The following EXOC6B variants were observed in gnomAD, a reference collection of about 807,000 sequenced individuals.
The protein encoded by EXOC6B is exocyst complex component 6B.
Under a neutral mutation model 113.5 loss-of-function variants are expected in EXOC6B, and 54 were observed. That is an observed-to-expected ratio of 0.48 (90% CI 0.38 to 0.60). The LOEUF (loss-of-function observed/expected upper bound fraction) is 0.60, where lower values mean the gene tolerates loss of function less well. EXOC6B is among the 20% of genes least tolerant of loss of function. The probability of loss-of-function intolerance (pLI) is 0.00; values close to 1 mark genes in which losing one functional copy is unlikely to be tolerated. For missense variants in EXOC6B, 797 were observed against 977.5 expected, an observed-to-expected ratio of 0.82 and a Z score of 2.46; for synonymous variants, 357 against 339.0, an observed-to-expected ratio of 1.05 and a Z score of -0.58.
rs377136963 is a variant in EXOC6B at position 72,384,835 on chromosome 2, T to C, written c.1981-4965A>G. On this transcript the variant is annotated intron_variant, in intron 18 of 21. Coordinates refer to ENST00000272427, the MANE Select transcript of EXOC6B (RefSeq NM_015189.3). ...TAAAATATTTGTATATTTAAAAGTA[T>C]AAAACAATACTAAAAGAAATTTAAG... Among the ~76,000 whole-genome samples the C allele has an allele frequency of 1.4e-4, 21 of 152,082 alleles. No individual in the cohort carries two copies. In the East Asian group the frequency reaches 2.5e-3, roughly 18 times the overall value.
chr2:72,513,716 C>T (rs749026896), intron 10 of EXOC6B, among the ~76,000 whole-genome samples: 4 of 151,608 alleles, frequency 2.6e-5, no homozygotes, highest in African/African-American at 4.8e-5. Flanking sequence ...AAATAATTCC[C>T]ATCATGTGGA....
At chr2:72,643,706 A>C (rs569207682) in intron 6 of EXOC6B, among the ~76,000 whole-genome samples, 2 of 151,256 alleles carry the variant, frequency 1.3e-5, no homozygotes, top group South Asian at 4.2e-4. Flanking sequence ...TGGCACATGT[A>C]TACGTATGTA....
intron 20 of EXOC6B, among the ~76,000 whole-genome samples, chr2:72,319,452 CTG>C (rs990631579): frequency 3.3e-5 from 5 of 152,258 alleles, no homozygotes; most frequent in Middle Eastern, 3.4e-3. Context: ...GAATCTAAAA[CTG>C]TTTTTATTCA....
At chr2:72,770,665 TG>T (rs1210265472) in intron 1 of EXOC6B, among the ~76,000 whole-genome samples, 2 of 152,304 alleles carry the variant, frequency 1.3e-5, no homozygotes, top group Non-Finnish European at 1.5e-5. Context: ...TGAGAGATTA[TG>T]GGCCAAATCA....
At chr2:72,679,856 G>A (rs974177741) in intron 6 of EXOC6B, among the ~76,000 whole-genome samples, 9 of 152,150 alleles carry the variant, frequency 5.9e-5, no homozygotes, top group Admixed American at 2.6e-4. Flanking sequence ...AAGGCTGCAC[G>A]GATTAGAGGT....
chr2:72,547,143 T>C (rs900384438), intron 8 of EXOC6B, among the ~76,000 whole-genome samples: 24 of 152,200 alleles, frequency 1.6e-4, no homozygotes, highest in Admixed American at 4.6e-4. Context: ...TTAAGAGAAA[T>C]ACTGTACTTG....
At chr2:72,219,047 T>C (rs910777334) in intron 20 of EXOC6B, among the ~76,000 whole-genome samples, 13 of 151,850 alleles carry the variant, frequency 8.6e-5, no homozygotes, top group Admixed American at 7.2e-4. Context: ...GTACCTGTGG[T>C]TGTTTGTATC....
At chr2:72,271,725 T>C (rs1684496663) in intron 20 of EXOC6B, among the ~76,000 whole-genome samples, 1 of 152,150 alleles carries the variant, frequency 6.6e-6, no homozygotes, top group African/African-American at 2.4e-5. Flanking sequence ...TTTGCACATA[T>C]ACCACAACAC....
At chr2:72,774,245 A>G (rs900760938) in intron 1 of EXOC6B, among the ~76,000 whole-genome samples, 2 of 152,220 alleles carry the variant, frequency 1.3e-5, no homozygotes, top group Non-Finnish European at 2.9e-5. Context: ...CAGTGAAAAT[A>G]TGAACTGGTA....
intron 6 of EXOC6B, among the ~76,000 whole-genome samples, chr2:72,659,080 G>A (rs1322961172): frequency 2.6e-5 from 4 of 152,028 alleles, no homozygotes; most frequent in Admixed American, 6.6e-5. Context: ...TTCCCAGACA[G>A]TATCTCAAAT....
intron 5 of EXOC6B, among the ~76,000 whole-genome samples, chr2:72,723,278 C>G (rs1169526931): frequency 6.6e-6 from 1 of 152,106 alleles, no homozygotes; most frequent in African/African-American, 2.4e-5. Flanking sequence ...GGCTCCTTAA[C>G]AGAGATGCAA....
intron 20 of EXOC6B, among the ~76,000 whole-genome samples, chr2:72,288,069 A>G (rs1387180265): frequency 5.3e-5 from 8 of 152,206 alleles, no homozygotes; most frequent in Non-Finnish European, 1.0e-4. Context: ...TGGCCAATTA[A>G]CATATGAAAG....
intron 20 of EXOC6B, among the ~76,000 whole-genome samples, chr2:72,306,690 G>A (rs964089050): frequency 4.7e-5 from 7 of 150,226 alleles, no homozygotes; most frequent in East Asian, 1.9e-4. Flanking sequence ...TATGACCCTC[G>A]TTGTATACTG....
intron 20 of EXOC6B, among the ~76,000 whole-genome samples, chr2:72,234,257 T>G (rs904819283): frequency 6.6e-6 from 1 of 152,058 alleles, no homozygotes; most frequent in African/African-American, 2.4e-5. Flanking sequence ...GCTAATTTTT[T>G]GTATTTTTAG....
At chr2:72,382,185 G>C (rs754638465) in intron 18 of EXOC6B, among the ~76,000 whole-genome samples, 1 of 152,084 alleles carries the variant, frequency 6.6e-6, no homozygotes, top group Non-Finnish European at 1.5e-5. Flanking sequence ...CAGAGACCTA[G>C]GACAGGCACC....
At chr2:72,455,850 A>G (rs1164030048) in intron 18 of EXOC6B, among the ~76,000 whole-genome samples, 1 of 152,116 alleles carries the variant, frequency 6.6e-6, no homozygotes, top group Admixed American at 6.6e-5. Context: ...AGAGAAACAG[A>G]GAGGGAGAGG....
chr2:72,376,877 G>T (rs1691395255), intron 19 of EXOC6B, among the ~76,000 whole-genome samples: 2 of 151,620 alleles, frequency 1.3e-5, no homozygotes, highest in Non-Finnish European at 2.9e-5. Flanking sequence ...TCCTTCAAAG[G>T]CTATTGAGTT....
chr2:72,215,718 T>A (rs993763457), intron 20 of EXOC6B, among the ~76,000 whole-genome samples: 2 of 151,898 alleles, frequency 1.3e-5, no homozygotes, highest in African/African-American at 4.8e-5. Context: ...ACATGAGAAA[T>A]TTGCACCTGT....
At chr2:72,327,114 C>T (rs1688170034) in intron 20 of EXOC6B, among the ~76,000 whole-genome samples, 1 of 152,026 alleles carries the variant, frequency 6.6e-6, no homozygotes, top group Non-Finnish European at 1.5e-5. Context: ...TATGATAGTG[C>T]CTGTCATTCA....
Sources: gnomAD v4.1 joint callset for allele counts (sites outside exome capture counted in the v4.1 genomes callset) on GRCh38, gnomAD v4.1.1 for gene constraint, MANE v1.5 for transcripts, NCBI Gene and HGNC (gene_info 2026-07-23, HGNC 2026-07-21) for gene names.